MYBPC2: variants seen among roughly 807,000 people sequenced by gnomAD.
MYBPC2 encodes the protein myosin binding protein C2.
Under a neutral mutation model 137.0 loss-of-function variants are expected in MYBPC2, and 122 were observed. That is an observed-to-expected ratio of 0.89 (90% CI 0.77 to 1.03). MYBPC2 has a LOEUF of 1.03. Ranked by LOEUF, MYBPC2 falls within the 50% of genes least tolerant of loss-of-function variation. The pLI, the probability that MYBPC2 is intolerant of heterozygous loss-of-function variation, is 0.00. For synonymous variants in MYBPC2, 626 were observed against 612.3 expected (o/e 1.02, Z -0.33); for missense variants, 1,500 against 1,534.4 (o/e 0.98, Z 0.37).
At chr19:50,436,501 C>A in intron 4 of MYBPC2, 116 bp from the exon 5 acceptor site, 1 of 941,294 alleles carries the variant, frequency 1.1e-6, no homozygotes, top group Admixed American at 2.3e-5. Context: ...TCTCCATTGG[C>A]CCCCCTGTGG....
intron 21 of MYBPC2, 67 bp from the exon 22 acceptor site, chr19:50,458,851 T>C (rs2039939545): frequency 1.3e-6 from 2 of 1,595,190 alleles, no homozygotes; most frequent in Middle Eastern, 1.7e-4. Flanking sequence ...GAGAGCCTTA[T>C]CACCATTGGC....
Position 50,461,984 on chromosome 19 carries a change from T to C in MYBPC2, c.3176T>C (p.Val1059Ala). Residue 1059 changes from valine to alanine, a missense_variant, in exon 26 of 28, where the codon GTC becomes GCC. Coordinates refer to ENST00000357701, the MANE Select transcript of MYBPC2 (RefSeq NM_004533.4). Reference protein sequence around the residue: ...KFLTPLIDRVVVAGYSAALNC... With the variant: ...KFLTPLIDRVAVAGYSAALNC... Reference sequence around the variant, plus strand: ...CTGACACCTCTCATAGACCGCGTGGTCGTGGCTGGGTACTCGGCAGCCCTC... The same window carrying C: ...CTGACACCTCTCATAGACCGCGTGGCCGTGGCTGGGTACTCGGCAGCCCTC... The C allele has an allele frequency of 1.9e-6, 3 of 1,578,012 alleles. No homozygotes were observed. The highest frequency in any genetic ancestry group is 2.6e-6 in the Non-Finnish European group (3 of 1,161,544).
intron 19 of MYBPC2, 90 bp downstream of exon 19, chr19:50,455,386 G>T (rs190315336): frequency 1.3e-6 from 2 of 1,555,898 alleles, no homozygotes; most frequent in Admixed American, 3.5e-5. Flanking sequence ...TCTTTTGCCC[G>T]CCATCAATCT....
intron 11 of MYBPC2, 42 bp downstream of exon 11, chr19:50,443,858 A>G: frequency 6.4e-7 from 1 of 1,566,732 alleles, no homozygotes; most frequent in Non-Finnish European, 8.8e-7. Context: ...AGGTGCACAT[A>G]GTTTCTTTGC....
intron 7 of MYBPC2, among the ~76,000 whole-genome samples, chr19:50,439,061 A>G (rs1164581177): frequency 6.6e-6 from 1 of 151,742 alleles, no homozygotes; most frequent in East Asian, 1.9e-4. Flanking sequence ...CTGCGCAGTC[A>G]TTTCTCACCA....
At chr19:50,455,004 C>A in intron 18 of MYBPC2, 104 bp from the exon 19 acceptor site, 1 of 1,083,822 alleles carries the variant, frequency 9.2e-7, no homozygotes, top group Non-Finnish European at 1.3e-6. Context: ...TGGCCTCGGA[C>A]CGCCCTGGCC....
At chr19:50,439,764 T>C (rs573502992) in intron 7 of MYBPC2, among the ~76,000 whole-genome samples, 1 of 152,326 alleles carries the variant, frequency 6.6e-6, no homozygotes, top group South Asian at 2.1e-4. Flanking sequence ...ATGGGTCTTG[T>C]CCAACAGACA....
chr19:50,441,646 C>T (rs1368492836), intron 8 of MYBPC2, among the ~76,000 whole-genome samples: 1 of 151,992 alleles, frequency 6.6e-6, no homozygotes, highest in Non-Finnish European at 1.5e-5. Flanking sequence ...TCGAGACCAG[C>T]CTGGCTAACA....
rs1326351204 is a variant in MYBPC2 at position 50,465,224 on chromosome 19, G to A, written c.3415+692G>A. On this transcript the variant is annotated intron_variant, in intron 27 of 27. Coordinates refer to ENST00000357701, the MANE Select transcript of MYBPC2 (RefSeq NM_004533.4). This position sits in a 1 kb window ranked among gnomAD's most constrained non-coding sequence, Gnocchi z 4.5. ...GTGTTCACGGTGGTGTGTCCACCCC[G>A]GTTCTTCCCACATGATGTCCCAGCC... is the stretch of plus-strand genomic sequence containing the variant. Among the ~76,000 whole-genome samples the A allele has an allele frequency of 2.6e-5, 4 of 151,978 alleles. No homozygotes were observed. Among genetic ancestry groups the A allele is most frequent in the African/African-American group, 4.8e-5 (2 of 41,400 alleles).
chr19:50,455,406 C>T (rs1051832984), intron 19 of MYBPC2, 104 bp from the exon 20 acceptor site: 2 of 1,557,848 alleles, frequency 1.3e-6, no homozygotes, highest in East Asian at 4.5e-5. Flanking sequence ...TCTGACCCTA[C>T]CCCCTGGCCT....
chr19:50,445,161 A>T (rs1196988477), intron 11 of MYBPC2, among the ~76,000 whole-genome samples: 1 of 152,084 alleles, frequency 6.6e-6, no homozygotes, highest in African/African-American at 2.4e-5. Flanking sequence ...TTGAGCTGAG[A>T]TCTGAATGAC....
Position 50,466,087 on chromosome 19 carries a change from A to G in MYBPC2, c.3416-108A>G. 9 of 1,489,626 alleles carry G rather than the reference A, an allele frequency of 6.0e-6. No individual in the cohort carries two copies. Among genetic ancestry groups the G allele is most frequent in the Non-Finnish European group, 7.3e-6 (8 of 1,089,888 alleles). 92.3% of individuals were successfully genotyped at this position (1,489,626 alleles called of 1,614,324 possible). The stretch of plus-strand genomic sequence containing the variant: ...TGGCCTAGGATGGGGCGGGATGGTG[A>G]CCGTCATCCTGTCCCCCTGCTGGTC... On this transcript the variant is annotated intron_variant, in intron 27 of 27. Transcript: ENST00000357701. The surrounding 1 kb of genome is among the most constrained non-coding windows in gnomAD (Gnocchi z 4.9).
rs191480043 is a variant in MYBPC2, at chr19:50,432,937, G to A, written c.-17G>A. 9.3e-4 allele frequency: 1,501 copies of A among 1,606,362 alleles called. 17 individuals carry two copies. The African/African-American group carries it at 0.018, about 19-fold the overall frequency. On this transcript the variant is annotated 5_prime_UTR_variant, in exon 1 of 28. Transcript: ENST00000357701. This position sits in a 1 kb window ranked among gnomAD's most constrained non-coding sequence, Gnocchi z 5.5. The stretch of plus-strand genomic sequence containing the variant: ...GGACGCGGCTGCGGTCAGAGGAGCA[G>A]GAGGAGGTCCCCCGACATGCCTGAG...
At chr19:50,452,054 C>A in intron 16 of MYBPC2, 51 bp downstream of exon 16, 1 of 1,514,418 alleles carries the variant, frequency 6.6e-7, no homozygotes, top group East Asian at 2.5e-5. Context: ...TTAGGCAAGT[C>A]TCTTTCCCCC....
intron 12 of MYBPC2, among the ~76,000 whole-genome samples, chr19:50,447,863 AAAAT>A (rs1377558563): frequency 6.6e-6 from 1 of 152,136 alleles, no homozygotes; most frequent in Non-Finnish European, 1.5e-5. Flanking sequence ...ATCTCAAAAA[AAAAT>A]AAATAAATAA....
chr19:50,461,871 C>T (rs370165008), intron 25 of MYBPC2, 29 bp from the exon 26 acceptor site: 468 of 1,587,166 alleles, frequency 2.9e-4, no homozygotes, highest in Non-Finnish European at 3.7e-4. Flanking sequence ...CTAGATCAGT[C>T]GCCTTACGGG....
chr19:50,455,070 TC>T (rs2039895909), intron 18 of MYBPC2, 37 bp from the exon 19 acceptor site: 1 of 1,566,100 alleles, frequency 6.4e-7, no homozygotes, highest in African/African-American at 1.4e-5. Context: ...CCCCATGCCC[TC>T]CCGTTCCCTC....
intron 4 of MYBPC2, 129 bp from the exon 5 acceptor site, chr19:50,436,488 C>G: frequency 1.2e-6 from 1 of 845,740 alleles, no homozygotes; most frequent in South Asian, 1.7e-5. Context: ...AGACCCCTCT[C>G]GGTCTCCATT....
In MYBPC2 at chr19:50,451,861, C is replaced by T. The variant is rs370229294; in HGVS notation, c.1610-3C>T. ...GGTCCCTGTATCTCTTCTGTGCCAC[C>T]AGAGCCACCAAAGATCCACTTGGAT... On this transcript the variant is annotated splice_region_variant and splice_polypyrimidine_tract_variant and intron_variant, in intron 15 of 27. Transcript: ENST00000357701. 7.4e-5 allele frequency: 117 copies of T among 1,590,936 alleles called. 1 individual carries two copies. The South Asian group carries it at 1.2e-3, about 16-fold the overall frequency.
Sources: allele counts gnomAD v4.1 joint callset (sites outside exome capture counted in the v4.1 genomes callset), GRCh38; gene constraint gnomAD v4.1.1; non-coding constraint Gnocchi (gnomAD v3.1); transcripts MANE v1.5; gene names NCBI Gene and HGNC (gene_info 2026-07-23, HGNC 2026-07-21).